LRP11: variants seen among roughly 807,000 people sequenced by gnomAD.
LRP11 encodes the protein low-density lipoprotein receptor-related protein 11.
In LRP11, 25 loss-of-function variants were observed where a neutral mutation model predicts 43.1. The ratio of observed to expected loss-of-function variants is 0.58; its 90% confidence interval spans 0.42 to 0.81. LRP11 has a LOEUF of 0.81. LRP11 is among the 30% of genes least tolerant of loss of function. The pLI is 0.00. For missense variants in LRP11, 623 were observed against 665.1 expected (o/e 0.94, Z 0.70); for synonymous variants, 316 against 299.4 (o/e 1.06, Z -0.57).
At chr6:149,832,241 G>C (rs1028578458) in intron 5 of LRP11, among the ~76,000 whole-genome samples, 8 of 146,132 alleles carry the variant, frequency 5.5e-5, no homozygotes, top group African/African-American at 2.1e-4. Flanking sequence ...ACCTGGGCTG[G>C]AGTGCAGTGG....
chr6:149,863,718 A>C lies in LRP11; in HGVS notation c.303T>G (p.Pro101=). 6.7e-7 allele frequency: 1 copy of C among 1,481,916 alleles called. No homozygotes were observed. Among genetic ancestry groups the C allele is most frequent in the Non-Finnish European group, 8.9e-7 (1 of 1,123,148 alleles). 91.8% of individuals were successfully genotyped at this position (1,481,916 alleles called of 1,614,324 possible). The change falls in exon 1 of 7, where the codon CCT becomes CCG. Residue 101 remains proline (P), a synonymous_variant. Transcript: ENST00000239367. The part of the protein sequence containing the change: ...GPGSGGYSAM[P]DAIIRTKDSL... ...AGTCCTTGGTGCGGATGATGGCGTC[A>C]GGCATTGCGCTGTAGCCGCCGCTGC...
chr6:149,837,587 C>T (rs765395172), intron 3 of LRP11, 124 bp from the exon 4 acceptor site: 21 of 944,522 alleles, frequency 2.2e-5, no homozygotes, highest in Admixed American at 2.0e-4. Context: ...AATAATGAGG[C>T]AAACCTAACA....
chr6:149,863,687 C>A lies in LRP11; in HGVS notation c.334G>T (p.Ala112Ser). The A allele has an allele frequency of 6.8e-7, 1 of 1,479,096 alleles. No homozygotes were observed. Among genetic ancestry groups the A allele is most frequent in the Non-Finnish European group, 8.9e-7 (1 of 1,121,996 alleles). The allele number at this position is 1,479,096 out of a possible 1,614,324, so 91.6% of individuals were successfully genotyped here. A position where few individuals can be genotyped will look rare whatever the true frequency, so the allele number is the denominator to read the frequency against. ...DAIIRTKDSL[A>S]AGASFLRAPA... is the part of the protein sequence containing the mutation. ...GCCCGCAGGAAGCTGGCACCCGCCG[C>A]CAGGGAGTCCTTGGTGCGGATGATG... The change falls in exon 1 of 7, where the codon GCG (alanine) becomes TCG (serine). Residue 112 changes from alanine (A) to serine (S), a missense_variant. Coordinates refer to ENST00000239367, the MANE Select transcript of LRP11 (RefSeq NM_032832.6).
At position 149,864,206 on chromosome 6, in the gene LRP11, A is replaced by C. The variant is rs974101779; in HGVS notation, c.-186T>G. On this transcript the variant is annotated 5_prime_UTR_variant, in exon 1 of 7. Coordinates refer to ENST00000239367, the MANE Select transcript of LRP11 (RefSeq NM_032832.6). ...GGTCGCGGGCGCCGGCGGGAACCGCAGTAGCGGGAGACATAGCCGGCCCAG... is the reference window on the plus strand; with the variant it reads ...GGTCGCGGGCGCCGGCGGGAACCGCCGTAGCGGGAGACATAGCCGGCCCAG... The C allele has an allele frequency of 1.3e-5, 15 of 1,116,484 alleles. 1 individual carries two copies. In the South Asian group the frequency reaches 4.9e-4, roughly 36 times the overall value. The allele number at this position is 1,116,484 out of a possible 1,614,324, so 69.2% of individuals were successfully genotyped here. A position where few individuals can be genotyped will look rare whatever the true frequency, so the allele number is the denominator to read the frequency against.
intron 2 of LRP11, among the ~76,000 whole-genome samples, chr6:149,845,026 A>G (rs1359659703): frequency 6.6e-6 from 1 of 152,136 alleles, no homozygotes; most frequent in Non-Finnish European, 1.5e-5. Context: ...TGAAAGAAAC[A>G]CTGGTGCGTG....
At chr6:149,847,840 C>T (rs1776661157) in intron 2 of LRP11, among the ~76,000 whole-genome samples, 1 of 128,782 alleles carries the variant, frequency 7.8e-6, no homozygotes, top group East Asian at 2.0e-4. Flanking sequence ...CACACACACA[C>T]ACACACACAC....
chr6:149,855,857 C>T (rs911502791), intron 1 of LRP11, among the ~76,000 whole-genome samples: 1 of 152,280 alleles, frequency 6.6e-6, no homozygotes, highest in Non-Finnish European at 1.5e-5. Flanking sequence ...AAACAATCCC[C>T]TGCCTAGGAA....
At chr6:149,831,318 C>CCACGTGAATG (rs1776405597) in intron 5 of LRP11, among the ~76,000 whole-genome samples, 1 of 152,208 alleles carries the variant, frequency 6.6e-6, no homozygotes, top group South Asian at 2.1e-4. Flanking sequence ...AAAGCAGATT[C>CCACGTGAATG]CACGTGAATG....
At chr6:149,823,865 C>T (rs9371201) in intron 6 of LRP11, among the ~76,000 whole-genome samples, 47,263 of 151,886 alleles carry the variant, frequency 0.31, 8,272 homozygotes, top group East Asian at 0.49. Context: ...TTGGATTCTA[C>T]GGCTGTCTCA....
At chr6:149,835,625 A>T (rs1290619931) in intron 5 of LRP11, among the ~76,000 whole-genome samples, 4 of 152,002 alleles carry the variant, frequency 2.6e-5, no homozygotes, top group African/African-American at 9.7e-5. Flanking sequence ...ATAAAAATAA[A>T]TCTCATTAGC....
At chr6:149,824,884 A>C (rs1390267649) in intron 6 of LRP11, among the ~76,000 whole-genome samples, 2 of 152,142 alleles carry the variant, frequency 1.3e-5, no homozygotes, top group African/African-American at 2.4e-5. Context: ...AAACAAAAAT[A>C]TGTAACAACC....
intron 5 of LRP11, among the ~76,000 whole-genome samples, chr6:149,832,966 G>A (rs1776428589): frequency 6.6e-6 from 1 of 152,104 alleles, no homozygotes; most frequent in South Asian, 2.1e-4. Context: ...CCGCCACCAC[G>A]TCCAGCTAAT....
At chr6:149,845,823 A>T (rs910230653) in intron 2 of LRP11, among the ~76,000 whole-genome samples, 3 of 151,960 alleles carry the variant, frequency 2.0e-5, no homozygotes, top group African/African-American at 7.3e-5. Context: ...AATCAGATAA[A>T]TAAGAGTGAA....
chr6:149,851,591 C>A (rs1201556014), intron 2 of LRP11, among the ~76,000 whole-genome samples: 1 of 152,206 alleles, frequency 6.6e-6, no homozygotes, highest in Admixed American at 6.5e-5. Flanking sequence ...GAAGACCCAA[C>A]ACCAATGCAC....
At chr6:149,862,964 T>C (rs1776945969) in intron 1 of LRP11, among the ~76,000 whole-genome samples, 1 of 152,160 alleles carries the variant, frequency 6.6e-6, no homozygotes, top group Admixed American at 6.5e-5. Context: ...CCCATTTTTG[T>C]ATGATGAAAG....
At chr6:149,860,870 G>A (rs1022940978) in intron 1 of LRP11, among the ~76,000 whole-genome samples, 3 of 152,142 alleles carry the variant, frequency 2.0e-5, no homozygotes, top group African/African-American at 7.2e-5. Context: ...CCTTGGGCAG[G>A]TTACTTTCGC....
rs762956274 is a variant in LRP11 at position 149,853,163 on chromosome 6, G to A, written c.614-3C>T. 4 of 1,553,908 alleles carry A rather than the reference G, an allele frequency of 2.6e-6. No homozygotes were observed. Among genetic ancestry groups the A allele is most frequent in the African/African-American group, 1.4e-5 (1 of 71,614 alleles). On this transcript the variant is annotated splice_polypyrimidine_tract_variant and splice_region_variant and intron_variant, in intron 1 of 6. Coordinates refer to ENST00000239367, the MANE Select transcript of LRP11 (RefSeq NM_032832.6). ...GCTAAGTGGAGGCGCATCCTTTTCT[G>A]AGAAAGAAAATAAATAATTCATAAA... is the stretch of plus-strand genomic sequence containing the variant.
In LRP11 at chr6:149,864,111, T is replaced by C; in HGVS notation, c.-91A>G. The C allele has an allele frequency of 1.7e-6, 2 of 1,190,716 alleles. No individual in the cohort carries two copies. Among genetic ancestry groups the C allele is most frequent in the Admixed American group, 4.5e-5 (1 of 21,988 alleles). The allele number at this position is 1,190,716 out of a possible 1,614,324, so 73.8% of individuals were successfully genotyped here. A position where few individuals can be genotyped will look rare whatever the true frequency, so the allele number is the denominator to read the frequency against. ...GCGAGCGCGGGCCCTGGGCCCCTCC[T>C]GCGCGGCCGCGGCTGGCTCTAGGCC... On this transcript the variant is annotated 5_prime_UTR_variant, in exon 1 of 7. Transcript: ENST00000239367.
intron 1 of LRP11, among the ~76,000 whole-genome samples, chr6:149,855,042 C>A (rs1264604301): frequency 6.6e-6 from 1 of 152,174 alleles, no homozygotes; most frequent in Non-Finnish European, 1.5e-5. Context: ...TAGGACCTAA[C>A]CCTCCAGGAT....
Sources: gnomAD v4.1 joint callset for allele counts (sites outside exome capture counted in the v4.1 genomes callset) on GRCh38, gnomAD v4.1.1 for gene constraint, MANE v1.5 for transcripts, NCBI Gene and HGNC (gene_info 2026-07-23, HGNC 2026-07-21) for gene names.